KIFC3: variants seen among roughly 807,000 people sequenced by gnomAD.
KIFC3 encodes the protein kinesin-like protein KIFC3.
A neutral mutation model predicts 101.8 loss-of-function variants in KIFC3; 60 were observed. The observed-to-expected ratio is 0.59, with a 90% confidence interval of 0.48 to 0.73. The LOEUF (loss-of-function observed/expected upper bound fraction) is 0.73, where lower values mean the gene tolerates loss of function less well. KIFC3 is among the 30% of genes least tolerant of loss of function. The probability of loss-of-function intolerance (pLI) is 0.00; values close to 1 mark genes in which losing one functional copy is unlikely to be tolerated. For synonymous variants in KIFC3, 476 were observed against 482.7 expected, an observed-to-expected ratio of 0.99 and a Z score of 0.18; for missense variants, 966 against 1,137.1, an observed-to-expected ratio of 0.85 and a Z score of 2.16.
chr16:57,824,075 G>A (rs930232128), intron 1 of KIFC3, among the ~76,000 whole-genome samples: 25 of 152,228 alleles, frequency 1.6e-4, no homozygotes, highest in Admixed American at 1.4e-3. Context: ...AGGCTTCCAG[G>A]GAGGGTGATC....
chr16:57,794,276 A>G (rs1300151463), intron 3 of KIFC3, among the ~76,000 whole-genome samples: 1 of 150,644 alleles, frequency 6.6e-6, no homozygotes, highest in Non-Finnish European at 1.5e-5. Context: ...TCTGTCACGC[A>G]GGCTGGAGTG....
At chr16:57,801,010 A>C (rs1215575790) in intron 1 of KIFC3, among the ~76,000 whole-genome samples, 2 of 152,180 alleles carry the variant, frequency 1.3e-5, no homozygotes, top group Non-Finnish European at 2.9e-5. Context: ...AATGGGGAGA[A>C]CACCACCTTA....
intron 1 of KIFC3, among the ~76,000 whole-genome samples, chr16:57,817,446 TG>T (rs1555629083): frequency 6.6e-6 from 1 of 152,034 alleles, no homozygotes; most frequent in East Asian, 1.9e-4. Context: ...TCCAAACCCA[TG>T]GTGTCAGTGG....
intron 1 of KIFC3, among the ~76,000 whole-genome samples, chr16:57,825,000 G>A (rs1555630565): frequency 2.0e-5 from 3 of 152,180 alleles, no homozygotes; most frequent in Non-Finnish European, 4.4e-5. Flanking sequence ...AGCCTACTCA[G>A]ATATCACTGC....
intron 1 of KIFC3, among the ~76,000 whole-genome samples, chr16:57,828,805 C>A (rs1489765189): frequency 3.9e-5 from 6 of 152,176 alleles, no homozygotes; most frequent in Non-Finnish European, 8.8e-5. Context: ...GCCCAGCCCC[C>A]TCCACGCACA....
intron 1 of KIFC3, among the ~76,000 whole-genome samples, chr16:57,834,623 C>T (rs2055650174): frequency 6.6e-6 from 1 of 152,098 alleles, no homozygotes; most frequent in Non-Finnish European, 1.5e-5. Flanking sequence ...GCAATCCTCC[C>T]ACCTCAGCCT....
At chr16:57,784,949 C>T (rs1555616789) in intron 3 of KIFC3, among the ~76,000 whole-genome samples, 1 of 152,226 alleles carries the variant, frequency 6.6e-6, no homozygotes, top group African/African-American at 2.4e-5. Context: ...CTCTCCCTGG[C>T]TTCCAGAGGT....
chr16:57,851,559 G>A (rs540913582), intron 1 of KIFC3, among the ~76,000 whole-genome samples: 19 of 143,878 alleles, frequency 1.3e-4, no homozygotes, highest in Non-Finnish European at 2.4e-4. Context: ...TATAATATTC[G>A]TTCGTTCATT....
intron 1 of KIFC3, chr16:57,816,312 G>C (rs782413454): frequency 8.3e-7 from 1 of 1,204,936 alleles, no homozygotes; most frequent in Non-Finnish European, 1.1e-6. Context: ...AGTGCGGTGG[G>C]ATCTGTCTTC....
intron 1 of KIFC3, among the ~76,000 whole-genome samples, chr16:57,850,465 GTTTTTTTTTTT>G (rs373157438): frequency 2.5e-4 from 21 of 84,080 alleles, no homozygotes; most frequent in African/African-American, 1.0e-3. Context: ...TTTAAAAAGG[GTTTTTTTTTTT>G]TTTTTTTTTT....
At chr16:57,815,062 G>A (rs2055189133) in intron 1 of KIFC3, among the ~76,000 whole-genome samples, 1 of 152,188 alleles carries the variant, frequency 6.6e-6, no homozygotes, top group African/African-American at 2.4e-5. Flanking sequence ...CATGCTCTAG[G>A]ACACGCAGGC....
intron 1 of KIFC3, among the ~76,000 whole-genome samples, chr16:57,800,944 G>A (rs1346787029): frequency 3.3e-5 from 5 of 152,150 alleles, no homozygotes; most frequent in African/African-American, 1.2e-4. Flanking sequence ...TTTACTAGAT[G>A]TCTGACCTTG....
Position 57,790,078 on chromosome 16 carries a change from C to CTTTCTTTCTTTCTTTCT in KIFC3, c.315+4920_315+4921insAGAAAGAAAGAAAGAAA, listed in dbSNP as rs59016221. Among the ~76,000 whole-genome samples the CTTTCTTTCTTTCTTTCT allele has an allele frequency of 2.2e-3, 208 of 94,082 alleles. 1 individual carries two copies. Among genetic ancestry groups the CTTTCTTTCTTTCTTTCT allele is most frequent in the Middle Eastern group, 7.6e-3 (1 of 132 alleles). The allele number at this position is 94,082 out of a possible 152,430, so 61.7% of individuals were successfully genotyped here. ...TTTTTCTTTCTTTCTTTCTTTCTTTCTTTTTTTTTTTTTTTTTTAAAGACA... is the reference window on the plus strand; with the variant it reads ...TTTTTCTTTCTTTCTTTCTTTCTTTCTTTCTTTCTTTCTTTCTTTTTTTTTTTTTTTTTTTAAAGACA... On this transcript the variant is annotated intron_variant, in intron 3 of 19. Transcript: ENST00000445690.
chr16:57,781,891 G>A, intron 3 of KIFC3: 1 of 978,032 alleles, frequency 1.0e-6, no homozygotes, highest in Non-Finnish European at 1.2e-6. Context: ...CTCGCATCTG[G>A]CTGACCCTTG....
chr16:57,851,636 G>A (rs548520741), intron 1 of KIFC3, among the ~76,000 whole-genome samples: 12 of 150,382 alleles, frequency 8.0e-5, no homozygotes, highest in Admixed American at 2.0e-4. Context: ...GCACAATCCC[G>A]ACTCACTGCA....
intron 3 of KIFC3, chr16:57,776,909 A>T (rs1290137622): frequency 1.3e-5 from 2 of 152,260 alleles, no homozygotes; most frequent in Admixed American, 1.3e-4. Flanking sequence ...ACAAAAAGGA[A>T]GTCTAGAGTT....
chr16:57,772,196 T>C (rs1270539704), intron 4 of KIFC3, 27 bp downstream of exon 4: 1 of 1,607,950 alleles, frequency 6.2e-7, no homozygotes. Flanking sequence ...GGCCCTGCGC[T>C]ACCCCAGGAC....
intron 3 of KIFC3, among the ~76,000 whole-genome samples, chr16:57,772,915 T>C (rs11859555): frequency 0.093 from 14,134 of 152,204 alleles, 822 homozygotes; most frequent in African/African-American, 0.15. Context: ...GTGCACCCCA[T>C]GAGGAAGCCA....
chr16:57,860,025 A>C (rs1415417800), intron 1 of KIFC3, among the ~76,000 whole-genome samples: 4 of 53,236 alleles, frequency 7.5e-5, no homozygotes, highest in African/African-American at 5.2e-4. Flanking sequence ...CTGTCTCAAA[A>C]ATAAAATAAA....
Sources: allele counts gnomAD v4.1 joint callset (sites outside exome capture counted in the v4.1 genomes callset), GRCh38; gene constraint gnomAD v4.1.1; transcripts MANE v1.5; gene names NCBI Gene and HGNC (gene_info 2026-07-23, HGNC 2026-07-21).